Variants in CPAMD8 observed in about 807,000 individuals in gnomAD.
CPAMD8 encodes C3 and PZP like alpha-2-macroglobulin domain containing 8.
Under a neutral mutation model 224.7 loss-of-function variants are expected in CPAMD8, and 146 were observed. The ratio of observed to expected loss-of-function variants is 0.65; its 90% confidence interval spans 0.57 to 0.75. The LOEUF is 0.75. CPAMD8 is among the 30% of genes least tolerant of loss of function. CPAMD8 has a pLI of 0.00. For missense variants in CPAMD8, 2,301 were observed against 2,537.5 expected (o/e 0.91, Z 2.00); for synonymous variants, 966 against 1,044.6 (o/e 0.92, Z 1.45).
At chr19:16,927,313 C>G (rs2144946310) in intron 25 of CPAMD8, among the ~76,000 whole-genome samples, 1 of 152,198 alleles carries the variant, frequency 6.6e-6, no homozygotes, top group Admixed American at 6.5e-5. Flanking sequence ...ACCCCTTTCA[C>G]TTGGCTCTCA....
Position 16,897,924 on chromosome 19 carries a change from G to T in CPAMD8, c.4919C>A (p.Ala1640Glu). Residue 1640 changes from alanine (A) to glutamate (E), a missense_variant, in exon 38 of 42, where the codon GCG (alanine) becomes GAG (glutamate). By Grantham distance (107) the Ala-to-Glu change is moderately radical (BLOSUM62 -1). This residue lies in a region of CPAMD8 where 1,709 missense variants were observed against 1,753.2 expected (regional missense o/e 0.97). Transcript: ENST00000443236. ...LRECVVGRTS[A>E]LPVSVYDYYE... is the part of the protein sequence containing the mutation. ...GTAGTCGTACACGGAGACTGGCAGC[G>T]CCGACGTCCTGCCCACCACGCACTC... The T allele has an allele frequency of 1.2e-6, 2 of 1,610,522 alleles. No individual in the cohort carries two copies. The highest frequency in any genetic ancestry group is 1.7e-6 in the Non-Finnish European group (2 of 1,179,198).
rs774960261 is a variant in CPAMD8, at chr19:16,977,452, G to A, written c.1674C>T (p.Arg558=). The change falls in exon 15 of 42, where the codon CGC becomes CGT. Residue 558 remains arginine (R), a synonymous_variant. Transcript: ENST00000443236. ...TCTCCCTGACGTAGAAGACCAGCAG[G>A]CGACCAAGGGGGACCATGCTGGGGG... is the stretch of plus-strand genomic sequence containing the variant. ...AVTPSMVPLG[R]LLVFYVRENG... is the part of the protein sequence containing the mutation. 1.1e-5 allele frequency: 17 copies of A among 1,611,680 alleles called. No homozygotes were observed. The highest frequency in any genetic ancestry group is 1.4e-5 in the Non-Finnish European group (16 of 1,178,504).
chr19:16,896,552 C>T lies in CPAMD8; in HGVS notation c.5179G>A (p.Asp1727Asn), dbSNP rs10418195. Residue 1727 changes from aspartate (D) to asparagine (N), a missense_variant, in exon 40 of 42, where the codon GAC (aspartate) becomes AAC (asparagine). Coordinates refer to ENST00000443236, the MANE Select transcript of CPAMD8 (RefSeq NM_015692.5). ...CAGGCGCTGGCGTAGACCACCCCGT[C>T]GGAGCCGCACACCGGGTTCCCCTGG... ...GAQGNPVCGS[D>N]GVVYASACRL... The T allele has an allele frequency of 8.5e-3, 12,841 of 1,502,024 alleles. 535 individuals carry two copies. The African/African-American group carries it at 0.11, about 13-fold the overall frequency. The allele number at this position is 1,502,024 out of a possible 1,614,324, so 93.0% of individuals were successfully genotyped here.
intron 27 of CPAMD8, among the ~76,000 whole-genome samples, chr19:16,917,600 G>C (rs1257057153): frequency 6.6e-6 from 1 of 152,164 alleles, no homozygotes; most frequent in Non-Finnish European, 1.5e-5. Flanking sequence ...AATTAGCTGG[G>C]CATGGTAGTG....
Position 16,986,100 on chromosome 19 carries a change from C to A in CPAMD8, c.1395+3543G>T, listed in dbSNP as rs138533078. ...AACAACCTTAAAAGATTGGAGTGAGCGCCCCCATTCACCAAGCAAAACAGG... is the reference window on the plus strand; with the variant it reads ...AACAACCTTAAAAGATTGGAGTGAGAGCCCCCATTCACCAAGCAAAACAGG... On this transcript the variant is annotated intron_variant, in intron 13 of 41. Transcript: ENST00000443236. 9.0e-3 allele frequency among the ~76,000 whole-genome samples: 1,368 copies of A among 152,112 alleles called. 11 individuals are homozygous for A. Among genetic ancestry groups the A allele is most frequent in the South Asian group, 0.018 (88 of 4,816 alleles).
At chr19:16,963,254 G>C (rs1054346373) in intron 18 of CPAMD8, among the ~76,000 whole-genome samples, 4 of 152,144 alleles carry the variant, frequency 2.6e-5, no homozygotes, top group Non-Finnish European at 4.4e-5. Flanking sequence ...TGGCAAATTG[G>C]ATAAAGAGTC....
intron 39 of CPAMD8, 77 bp from the exon 40 acceptor site, chr19:16,896,742 A>C (rs2052014999): frequency 1.8e-6 from 2 of 1,092,062 alleles, no homozygotes; most frequent in Non-Finnish European, 2.4e-6. Context: ...GGGGTGGGGA[A>C]GATGTCCCTG....
rs561630842 is a variant in CPAMD8 at position 16,899,998 on chromosome 19, C to A, written c.4774-449G>T. Among the ~76,000 whole-genome samples, 17 of 152,078 alleles carry A rather than the reference C, an allele frequency of 1.1e-4. No individual in the cohort carries two copies. The highest frequency in any genetic ancestry group is 4.1e-4 in the African/African-American group (17 of 41,472). ...CATCCCCTGGTGCTCCGTGCAGCCT[C>A]CTTGGAGGGGAGGTGACAATAGGCC... is the stretch of plus-strand genomic sequence containing the variant. On this transcript the variant is annotated intron_variant, in intron 36 of 41. Transcript: ENST00000443236. The surrounding 1 kb of genome is among the most constrained non-coding windows in gnomAD (Gnocchi z 5.4).
At chr19:16,943,027 A>C (rs1276835922) in intron 22 of CPAMD8, among the ~76,000 whole-genome samples, 1 of 104,034 alleles carries the variant, frequency 9.6e-6, no homozygotes, top group African/African-American at 4.0e-5. Context: ...TTTTTTTTTG[A>C]GACAGGGTCT....
intron 20 of CPAMD8, among the ~76,000 whole-genome samples, chr19:16,948,888 G>A (rs61255886): frequency 0.026 from 1,691 of 63,862 alleles, 38 homozygotes; most frequent in African/African-American, 0.085. Flanking sequence ...GAAGGGAAGG[G>A]AAGGGAAGGG....
At position 16,896,147 on chromosome 19, in the gene CPAMD8, C is replaced by T. The variant is rs761293554; in HGVS notation, c.5426+29G>A. The T allele has an allele frequency of 3.3e-5, 54 of 1,612,394 alleles. No homozygotes were observed. The South Asian group carries it at 5.2e-4, about 15-fold the overall frequency. Reference sequence around the variant, plus strand: ...GTGGGGAGATATTGAGCCTATGTCTCTTATCTCTGGGGTGGGCCCAGCTGT... The same window carrying T: ...GTGGGGAGATATTGAGCCTATGTCTTTTATCTCTGGGGTGGGCCCAGCTGT... On this transcript the variant is annotated intron_variant, in intron 41 of 41. Transcript: ENST00000443236.
intron 27 of CPAMD8, among the ~76,000 whole-genome samples, chr19:16,915,897 T>C (rs372045310): frequency 6.6e-6 from 1 of 151,606 alleles, no homozygotes; most frequent in South Asian, 2.1e-4. Context: ...TCTTTTTCTT[T>C]CTTTCTTTCT....
At chr19:16,987,821 TTTTTTGTTTTTG>T (rs976637796) in intron 13 of CPAMD8, among the ~76,000 whole-genome samples, 1 of 151,640 alleles carries the variant, frequency 6.6e-6, no homozygotes, top group African/African-American at 2.4e-5. Flanking sequence ...CGGCTGGGGT[TTTTTTGTTTTTG>T]TTTTTGTTTT....
chr19:16,987,891 T>C (rs2055802838), intron 13 of CPAMD8, among the ~76,000 whole-genome samples: 1 of 151,882 alleles, frequency 6.6e-6, no homozygotes, highest in African/African-American at 2.4e-5. Context: ...CTCAAACTCC[T>C]GGGCTCAAGC....
chr19:16,993,800 T>A (rs1283405127), intron 11 of CPAMD8, among the ~76,000 whole-genome samples: 1 of 151,632 alleles, frequency 6.6e-6, no homozygotes, highest in African/African-American at 2.4e-5. Flanking sequence ...GGTCCAGGAG[T>A]GGTGGCGTGT....
intron 41 of CPAMD8, 190 bp from the exon 42 acceptor site, chr19:16,893,529 C>T (rs1299841529): frequency 1.9e-5 from 10 of 523,846 alleles, no homozygotes; most frequent in East Asian, 8.6e-5. Flanking sequence ...CAGGGCTGAG[C>T]GGTGTTGGCT....
chr19:16,906,371 TTTCTTTC>T (rs1382771138), intron 30 of CPAMD8, among the ~76,000 whole-genome samples: 2 of 65,622 alleles, frequency 3.0e-5, no homozygotes, highest in East Asian at 3.7e-4. Flanking sequence ...TCTTTCTTTC[TTTCTTTC>T]TTTCTTTCTT....
At chr19:17,004,976 G>A (rs1282116526) in intron 7 of CPAMD8, among the ~76,000 whole-genome samples, 1 of 150,726 alleles carries the variant, frequency 6.6e-6, no homozygotes, top group African/African-American at 2.4e-5. Flanking sequence ...GAGAGAGAGA[G>A]AGAGAGAAAC....
At chr19:16,963,806 C>T (rs1258124412) in intron 18 of CPAMD8, among the ~76,000 whole-genome samples, 1 of 152,154 alleles carries the variant, frequency 6.6e-6, no homozygotes, top group Non-Finnish European at 1.5e-5. Context: ...AAGCACTCCT[C>T]AGCAAATGTA....
Sources: gnomAD v4.1 joint callset for allele counts (sites outside exome capture counted in the v4.1 genomes callset) on GRCh38, gnomAD v4.1.1 for gene constraint, gnomAD v4.1.1 regional missense constraint, Gnocchi (gnomAD v3.1) non-coding constraint, MANE v1.5 for transcripts, NCBI Gene and HGNC (gene_info 2026-07-23, HGNC 2026-07-21) for gene names.